The following NR2F1 variants were observed in gnomAD, a reference collection of about 807,000 sequenced individuals.
NR2F1 encodes the protein COUP transcription factor 1.
A neutral mutation model predicts 37.7 loss-of-function variants in NR2F1; 1 was observed. That is an observed-to-expected ratio of 0.03 (90% CI 0.01 to 0.13). The LOEUF (loss-of-function observed/expected upper bound fraction) is 0.13, where lower values mean the gene tolerates loss of function less well. Among genes scored for constraint, NR2F1 ranks in the 10% least tolerant of loss-of-function variants. NR2F1 has a pLI of 1.00. For missense variants in NR2F1, 268 were observed against 578.4 expected (o/e 0.46, Z 5.50); for synonymous variants, 275 against 259.6 (o/e 1.06, Z -0.57).
chr5:93,585,706 G>A, intron 1 of NR2F1: 1 of 502,074 alleles, frequency 2.0e-6, no homozygotes, highest in East Asian at 3.2e-5. Context: ...TCATCTCCCC[G>A]GCTCCCCCAC....
chr5:93,590,475 G>C (rs73135320), intron 2 of NR2F1, among the ~76,000 whole-genome samples: 5 of 151,954 alleles, frequency 3.3e-5, no homozygotes. Flanking sequence ...AGTTTTCCAA[G>C]GAAGTTTCTT....
chr5:93,588,386 G>C lies in NR2F1; in HGVS notation c.933G>C (p.Ala311=). 1 of 1,612,758 alleles carries C rather than the reference G, an allele frequency of 6.2e-7. No homozygotes were observed. Among genetic ancestry groups the C allele is most frequent in the Non-Finnish European group, 8.5e-7 (1 of 1,179,754 alleles). ...IFQEQVEKLK[A]LHVDSAEYSC... ...AGGAGCAGGTGGAGAAGCTCAAGGC[G>C]CTACACGTCGACTCAGCCGAGTACA... The change falls in exon 2 of 3, where the codon GCG becomes GCC. Residue 311 remains alanine, a synonymous_variant. Transcript: ENST00000327111.
chr5:93,590,488 A>T (rs1050037833), intron 2 of NR2F1, among the ~76,000 whole-genome samples: 5 of 152,214 alleles, frequency 3.3e-5, no homozygotes. Context: ...AGTTTCTTGA[A>T]TCAAGTCTTC....
At chr5:93,592,526 G>A (rs1753348749) in intron 2 of NR2F1, among the ~76,000 whole-genome samples, 1 of 151,918 alleles carries the variant, frequency 6.6e-6, no homozygotes, top group Admixed American at 6.6e-5. Context: ...AATACTTTTA[G>A]AGGACCAAGA....
At position 93,585,003 on chromosome 5, in the gene NR2F1, G is replaced by A; in HGVS notation, c.-21G>A. The A allele has an allele frequency of 1.0e-6, 1 of 990,508 alleles. No individual in the cohort carries two copies. The highest frequency in any genetic ancestry group is 1.2e-6 in the Non-Finnish European group (1 of 834,652). The allele number at this position is 990,508 out of a possible 1,614,324, so 61.4% of individuals were successfully genotyped here. On this transcript the variant is annotated 5_prime_UTR_variant, in exon 1 of 3. Transcript: ENST00000327111. ...TCGGCGAGCAGCTCGGCTCCCCCCAGCGCTCCCCGGGCCCAAAGATATGGC... is the reference window on the plus strand; with the variant it reads ...TCGGCGAGCAGCTCGGCTCCCCCCAACGCTCCCCGGGCCCAAAGATATGGC...
In NR2F1 at chr5:93,587,874, C is replaced by T. The variant is rs192538307; in HGVS notation, c.464-43C>T. The stretch of plus-strand genomic sequence containing the variant: ...TGCGGCGCGGCAATGTTCGCAAGCT[C>T]CCTGGATGCACATTGCCTCTTTTCT... On this transcript the variant is annotated intron_variant, in intron 1 of 2. Transcript: ENST00000327111. The T allele has an allele frequency of 9.9e-5, 151 of 1,530,266 alleles. No individual in the cohort carries two copies. The East Asian group carries it at 3.2e-3, about 33-fold the overall frequency. The allele number at this position is 1,530,266 out of a possible 1,614,324, so 94.8% of individuals were successfully genotyped here.
At position 93,585,386 on chromosome 5, in the gene NR2F1, A is replaced by C; in HGVS notation, c.363A>C (p.Thr121=). 6.2e-7 allele frequency: 1 copy of C among 1,614,042 alleles called. No individual in the cohort carries two copies. The highest frequency in any genetic ancestry group is 8.5e-7 in the Non-Finnish European group (1 of 1,179,970). The change falls in exon 1 of 3, where the codon ACA becomes ACC. Residue 121 remains threonine, a synonymous_variant. Transcript: ENST00000327111. ...KRSVRRNLTY[T]CRANRNCPID... ...GCGTCCGCAGGAACTTAACTTACAC[A>C]TGCCGTGCCAACAGGAACTGTCCCA...
At position 93,593,653 on chromosome 5, in the gene NR2F1, C is replaced by T; in HGVS notation, c.1083C>T (p.Pro361=). ...AGGAGTACGTGAGGAGCCAGTACCCCAACCAGCCCAGCCGTTTTGGCAAAC... is the reference window on the plus strand; with the variant it reads ...AGGAGTACGTGAGGAGCCAGTACCCTAACCAGCCCAGCCGTTTTGGCAAAC... ...ALEEYVRSQY[P]NQPSRFGKLL... is the part of the protein sequence containing the mutation. The change falls in exon 3 of 3, where the codon CCC becomes CCT. Residue 361 remains proline (P), a synonymous_variant. Coordinates refer to ENST00000327111, the MANE Select transcript of NR2F1 (RefSeq NM_005654.6). The surrounding 1 kb of genome is among the most constrained non-coding windows in gnomAD (Gnocchi z 5.6). 2 of 1,614,144 alleles carry T rather than the reference C, an allele frequency of 1.2e-6. No homozygotes were observed. The highest frequency in any genetic ancestry group is 1.7e-6 in the Non-Finnish European group (2 of 1,180,046).
Position 93,593,858 on chromosome 5 carries a change from C to CAA in NR2F1, c.*17_*18insAA, listed in dbSNP as rs1753376499. The CAA allele has an allele frequency of 6.2e-7, 1 of 1,609,090 alleles. No homozygotes were observed. The highest frequency in any genetic ancestry group is 8.5e-7 in the Non-Finnish European group (1 of 1,176,580). On this transcript the variant is annotated 3_prime_UTR_variant, in exon 3 of 3. Transcript: ENST00000327111. The surrounding 1 kb of genome is among the most constrained non-coding windows in gnomAD (Gnocchi z 5.6). The stretch of plus-strand genomic sequence containing the variant: ...GTGCTCCTAGACCTTGGGCGCTTCC[C>CAA]ACCTGCCCCGTCCCCCTAGAGACTC...
chr5:93,594,213 G>A lies in NR2F1; in HGVS notation c.*371G>A. On this transcript the variant is annotated 3_prime_UTR_variant, in exon 3 of 3. Transcript: ENST00000327111. The stretch of plus-strand genomic sequence containing the variant: ...TCCAGGATTTATTGTGGACGGATGT[G>A]GATATATTCTGTACAGGAACAACAC... 4.2e-6 allele frequency: 1 copy of A among 235,544 alleles called. No individual in the cohort carries two copies. Among genetic ancestry groups the A allele is most frequent in the Middle Eastern group, 1.5e-3 (1 of 656 alleles). 14.6% of individuals were successfully genotyped at this position (235,544 alleles called of 1,614,324 possible). A position where few individuals can be genotyped will look rare whatever the true frequency, so the allele number is the denominator to read the frequency against.
At chr5:93,589,368 T>A (rs1259233477) in intron 2 of NR2F1, among the ~76,000 whole-genome samples, 1 of 152,160 alleles carries the variant, frequency 6.6e-6, no homozygotes. Flanking sequence ...CCGAGAACAA[T>A]CCCCGCTTTT....
intron 1 of NR2F1, chr5:93,587,428 A>T (rs143850676): frequency 6.4e-6 from 1 of 155,690 alleles, no homozygotes; most frequent in Non-Finnish European, 1.4e-5. Flanking sequence ...ATTCTATAGC[A>T]TTTTAAGAGA....
intron 2 of NR2F1, among the ~76,000 whole-genome samples, chr5:93,589,660 T>C (rs924893534): frequency 1.3e-5 from 2 of 152,246 alleles, no homozygotes; most frequent in African/African-American, 4.8e-5. Context: ...TGAACAGGGA[T>C]AGCAAAATCC....
At chr5:93,585,520 T>G in intron 1 of NR2F1, 34 bp downstream of exon 1, 661 of 1,393,946 alleles carry the variant, frequency 4.7e-4, no homozygotes, top group Non-Finnish European at 6.0e-4. Flanking sequence ...CTCCCCGCGC[T>G]TCGCCCGCCT....
intron 2 of NR2F1, 31 bp downstream of exon 2, chr5:93,588,475 G>A (rs1188866009): frequency 2.7e-6 from 4 of 1,457,716 alleles, no homozygotes; most frequent in Non-Finnish European, 3.6e-6. Flanking sequence ...AGGGCAGGCC[G>A]CGCCGGCAGC....
chr5:93,584,173 C>A lies in NR2F1; in HGVS notation c.-851C>A, dbSNP rs1174736640. On this transcript the variant is annotated 5_prime_UTR_variant, in exon 1 of 3. Transcript: ENST00000327111. ...TCCCGCCGGGACAGCGGCGGCGCCG[C>A]GGGCGGCCCCGGCCTCCGCTCGCGC... is the stretch of plus-strand genomic sequence containing the variant. 1 of 148,768 alleles carries A rather than the reference C, an allele frequency of 6.7e-6. No homozygotes were observed. The highest frequency in any genetic ancestry group is 1.5e-5 in the Non-Finnish European group (1 of 66,766). The allele number at this position is 148,768 out of a possible 1,614,324, so 9.2% of individuals were successfully genotyped here. A position where few individuals can be genotyped will look rare whatever the true frequency, so the allele number is the denominator to read the frequency against.
At chr5:93,589,498 T>TG in intron 2 of NR2F1, among the ~76,000 whole-genome samples, 1 of 152,382 alleles carries the variant, frequency 6.6e-6, no homozygotes, top group South Asian at 2.1e-4. Flanking sequence ...GACTGGGTCT[T>TG]GGGCCCTGCC....
At position 93,593,319 on chromosome 5, in the gene NR2F1, C is replaced by A. The variant is rs1295049543; in HGVS notation, c.992-243C>A. 1.3e-5 allele frequency among the ~76,000 whole-genome samples: 2 copies of A among 151,814 alleles called. No individual in the cohort carries two copies. The highest frequency in any genetic ancestry group is 6.6e-5 in the Admixed American group (1 of 15,262). On this transcript the variant is annotated intron_variant, in intron 2 of 2. Coordinates refer to ENST00000327111, the MANE Select transcript of NR2F1 (RefSeq NM_005654.6). This position sits in a 1 kb window ranked among gnomAD's most constrained non-coding sequence, Gnocchi z 5.6. ...TGCATGTGTGTGCCTCTCTCTCCAG[C>A]TCCCCTAGGCTTGGTGGGGGTTTGA...
intron 2 of NR2F1, among the ~76,000 whole-genome samples, chr5:93,589,577 G>A (rs1753297071): frequency 6.6e-6 from 1 of 152,192 alleles, no homozygotes; most frequent in Admixed American, 6.5e-5. Flanking sequence ...TCCTCCATTC[G>A]GAGAACAAAT....
Sources: gnomAD v4.1 joint callset for allele counts (sites outside exome capture counted in the v4.1 genomes callset) on GRCh38, gnomAD v4.1.1 for gene constraint, Gnocchi (gnomAD v3.1) non-coding constraint, MANE v1.5 for transcripts, NCBI Gene and HGNC (gene_info 2026-07-23, HGNC 2026-07-21) for gene names.